Variants in PTPRO observed in about 807,000 individuals in gnomAD.
PTPRO encodes protein tyrosine phosphatase receptor type O.
In PTPRO, 62 loss-of-function variants were observed where a neutral mutation model predicts 145.2. That is an observed-to-expected ratio of 0.43 (90% CI 0.35 to 0.53). The LOEUF is 0.53. Ranked by LOEUF, PTPRO falls within the 20% of genes least tolerant of loss-of-function variation. The pLI is 0.01. For synonymous variants in PTPRO, 565 were observed against 514.7 expected (o/e 1.10, Z -1.32); for missense variants, 1,345 against 1,482.7 (o/e 0.91, Z 1.53).
At chr12:15,578,013 G>A (rs952720235) in intron 19 of PTPRO, among the ~76,000 whole-genome samples, 4 of 152,130 alleles carry the variant, frequency 2.6e-5, no homozygotes, top group Non-Finnish European at 4.4e-5. Context: ...AGGTTTATAA[G>A]AGTACCAATA....
chr12:15,413,242 C>T (rs753996922), intron 1 of PTPRO, among the ~76,000 whole-genome samples: 1 of 152,142 alleles, frequency 6.6e-6, no homozygotes, highest in Non-Finnish European at 1.5e-5. Flanking sequence ...AGGCGCCTGC[C>T]ACCACGCCCA....
intron 26 of PTPRO, chr12:15,595,406 C>T (rs944070150): frequency 1.7e-5 from 5 of 292,860 alleles, no homozygotes; most frequent in African/African-American, 8.6e-5. Flanking sequence ...ATATCTTGTG[C>T]AAATATTTTA....
intron 1 of PTPRO, among the ~76,000 whole-genome samples, chr12:15,459,090 G>A (rs10772853): frequency 0.88 from 133,150 of 152,158 alleles, 60,514 homozygotes; most frequent in Non-Finnish European, 0.99. Flanking sequence ...GAATATGCTG[G>A]GACTCATCTG....
intron 12 of PTPRO, among the ~76,000 whole-genome samples, chr12:15,541,749 C>T (rs1359989669): frequency 2.0e-5 from 3 of 152,168 alleles, no homozygotes; most frequent in Non-Finnish European, 4.4e-5. Context: ...TGGTGGCTTA[C>T]GCCTGTAATC....
chr12:15,458,639 G>A (rs1047823878), intron 1 of PTPRO, among the ~76,000 whole-genome samples: 1 of 150,952 alleles, frequency 6.6e-6, no homozygotes, highest in African/African-American at 2.4e-5. Flanking sequence ...TCCCTCTAGT[G>A]AATTTTTTTA....
intron 5 of PTPRO, among the ~76,000 whole-genome samples, chr12:15,503,502 T>G (rs1472297412): frequency 6.6e-6 from 1 of 152,194 alleles, no homozygotes; most frequent in Admixed American, 6.5e-5. Flanking sequence ...TTCTGGATGG[T>G]TAATACTACC....
At position 15,565,411 on chromosome 12, in the gene PTPRO, T is replaced by C. The variant is rs377694872; in HGVS notation, c.2712-182T>C. ...TGCAATCTAGTAGAGTTTTAAAAAA[T>C]GAATCTGAAATTATTATTATCTTCT... is the stretch of plus-strand genomic sequence containing the variant. On this transcript the variant is annotated intron_variant, in intron 17 of 26. Transcript: ENST00000281171. 4.8e-3 allele frequency: 2,435 copies of C among 503,964 alleles called. 13 individuals carry two copies. Among genetic ancestry groups the C allele is most frequent in the South Asian group, 0.018 (767 of 41,702 alleles). 31.2% of individuals were successfully genotyped at this position (503,964 alleles called of 1,614,324 possible).
At chr12:15,409,267 A>G (rs1939729221) in intron 1 of PTPRO, among the ~76,000 whole-genome samples, 1 of 152,078 alleles carries the variant, frequency 6.6e-6, no homozygotes, top group South Asian at 2.1e-4. Flanking sequence ...GATACCTGAC[A>G]AAAAAAGAGG....
intron 2 of PTPRO, among the ~76,000 whole-genome samples, chr12:15,493,334 G>T (rs577158129): frequency 3.9e-4 from 60 of 152,152 alleles, no homozygotes; most frequent in African/African-American, 1.4e-3. Flanking sequence ...CTATAGCTCT[G>T]AGTTAAAGAA....
In PTPRO at chr12:15,431,307, C is replaced by A. The variant is rs1178009637; in HGVS notation, c.76-52667C>A. ...CAGTGAGGGTCATCCCTCTTCATCT[C>A]AGGAGCAATTAACTAGTTATTTTGC... On this transcript the variant is annotated intron_variant, in intron 1 of 26. Coordinates refer to ENST00000281171, the MANE Select transcript of PTPRO (RefSeq NM_030667.3). Among the ~76,000 whole-genome samples, 3 of 152,342 alleles carry A rather than the reference C, an allele frequency of 2.0e-5. No homozygotes were observed. In the East Asian group the frequency reaches 5.8e-4, roughly 29 times the overall value.
At chr12:15,440,074 G>A (rs1316448215) in intron 1 of PTPRO, 3 of 636,122 alleles carry the variant, frequency 4.7e-6, no homozygotes, top group African/African-American at 1.8e-5. Context: ...CTTGCAAGGT[G>A]ACAGACCGCT....
intron 14 of PTPRO, 83 bp downstream of exon 14, chr12:15,549,309 G>A (rs150609825): frequency 1.8e-6 from 2 of 1,133,474 alleles, no homozygotes; most frequent in East Asian, 3.1e-5. Flanking sequence ...ATTCCACCAA[G>A]AAATCCCAAG....
intron 19 of PTPRO, among the ~76,000 whole-genome samples, chr12:15,571,136 G>A (rs1269415226): frequency 6.6e-6 from 1 of 152,144 alleles, no homozygotes; most frequent in Admixed American, 6.5e-5. Context: ...ACTGGAGCCA[G>A]GGGCCCCTCT....
chr12:15,463,527 T>C (rs1941351655), intron 1 of PTPRO, among the ~76,000 whole-genome samples: 3 of 152,188 alleles, frequency 2.0e-5, no homozygotes, highest in Admixed American at 2.0e-4. Flanking sequence ...TTTATATTAG[T>C]TTCCTTCTTT....
intron 23 of PTPRO, 56 bp downstream of exon 23, chr12:15,581,857 A>C (rs1282487626): frequency 6.8e-6 from 11 of 1,611,258 alleles, no homozygotes. Context: ...TGCTGAGACC[A>C]GTTTGGTCGG....
At chr12:15,428,270 G>A (rs1940338424) in intron 1 of PTPRO, among the ~76,000 whole-genome samples, 1 of 152,154 alleles carries the variant, frequency 6.6e-6, no homozygotes, top group Admixed American at 6.5e-5. Flanking sequence ...TTGGTTGCAA[G>A]GGTGTTTGAT....
chr12:15,450,466 A>T (rs980834), intron 1 of PTPRO, among the ~76,000 whole-genome samples: 136,278 of 152,212 alleles, frequency 0.9, 62,725 homozygotes, highest in East Asian at 1. Flanking sequence ...CCATCCATAA[A>T]TGTTTCATTT....
intron 18 of PTPRO, among the ~76,000 whole-genome samples, chr12:15,566,870 A>T (rs1943912775): frequency 6.6e-6 from 1 of 152,136 alleles, no homozygotes; most frequent in Non-Finnish European, 1.5e-5. Context: ...ATACCAACTG[A>T]TGTAGGAGAG....
chr12:15,516,648 A>T, intron 8 of PTPRO, 115 bp from the exon 9 acceptor site: 1 of 870,820 alleles, frequency 1.1e-6, no homozygotes, highest in Non-Finnish European at 1.9e-6. Flanking sequence ...GGAGGGAGGG[A>T]GGTAGGTATT....
Sources: gnomAD v4.1 joint callset for allele counts (sites outside exome capture counted in the v4.1 genomes callset) on GRCh38, gnomAD v4.1.1 for gene constraint, MANE v1.5 for transcripts, NCBI Gene and HGNC (gene_info 2026-07-23, HGNC 2026-07-21) for gene names.